The following WDR72 variants were observed in gnomAD, a reference collection of about 807,000 sequenced individuals.
WDR72 encodes WD repeat domain 72, also known as WD repeat-containing protein 72.
WDR72 carries 120 observed loss-of-function variants against 124.2 expected under a neutral mutation model. The observed-to-expected ratio is 0.97, with a 90% confidence interval of 0.83 to 1.12. The LOEUF is 1.12. Ranked by LOEUF, WDR72 falls within the 50% of genes most tolerant of loss-of-function variation. WDR72 has a pLI of 0.00. For missense variants in WDR72, 1,387 were observed against 1,278.8 expected, an observed-to-expected ratio of 1.08 and a Z score of -1.29; for synonymous variants, 452 against 441.7, an observed-to-expected ratio of 1.02 and a Z score of -0.29.
At chr15:53,653,577 C>T (rs3911727) in intron 14 of WDR72, among the ~76,000 whole-genome samples, 91 of 152,172 alleles carry the variant, frequency 6.0e-4, no homozygotes, top group African/African-American at 2.1e-3. Context: ...CTGTAGTTGA[C>T]GTTTTTCATC....
chr15:53,689,723 C>A (rs1043459695), intron 13 of WDR72, among the ~76,000 whole-genome samples: 1 of 151,718 alleles, frequency 6.6e-6, no homozygotes, highest in African/African-American at 2.4e-5. Context: ...TGGGTATATA[C>A]CCAAAGGACT....
At chr15:53,719,963 T>C (rs1373902845) in intron 3 of WDR72, among the ~76,000 whole-genome samples, 1 of 152,156 alleles carries the variant, frequency 6.6e-6, no homozygotes, top group African/African-American at 2.4e-5. Context: ...TGCCTTAAAA[T>C]TTTATTAACT....
At chr15:53,595,233 C>A (rs573620678) in intron 18 of WDR72, among the ~76,000 whole-genome samples, 1 of 152,060 alleles carries the variant, frequency 6.6e-6, no homozygotes, top group Admixed American at 6.5e-5. Context: ...GAGTTAATAC[C>A]ACACTTTAAT....
At chr15:53,648,314 G>A (rs1339455757) in intron 14 of WDR72, among the ~76,000 whole-genome samples, 7 of 152,138 alleles carry the variant, frequency 4.6e-5, no homozygotes, top group African/African-American at 1.4e-4. Context: ...AAGATAACAA[G>A]TATGTGTTAC....
rs976948492 is a variant in WDR72 at position 53,704,968 on chromosome 15, G to T, written c.1348+20C>A. ...GCTTTAGATAAATCAAATAAATAGG[G>T]TCAAATAAAATTCAAGGACCTTTTA... is the stretch of plus-strand genomic sequence containing the variant. On this transcript the variant is annotated intron_variant, in intron 11 of 19. Transcript: ENST00000360509. 1.2e-6 allele frequency: 2 copies of T among 1,612,876 alleles called. No homozygotes were observed. The highest frequency in any genetic ancestry group is 1.7e-6 in the Non-Finnish European group (2 of 1,179,854).
chr15:53,624,729 T>C (rs1671951054), intron 14 of WDR72, among the ~76,000 whole-genome samples: 1 of 152,242 alleles, frequency 6.6e-6, no homozygotes, highest in South Asian at 2.1e-4. Flanking sequence ...AGAATATAAG[T>C]ATAAATTGTT....
At chr15:53,641,089 T>C (rs1322382607) in intron 14 of WDR72, among the ~76,000 whole-genome samples, 1 of 152,080 alleles carries the variant, frequency 6.6e-6, no homozygotes. Flanking sequence ...CCTTTAGTAA[T>C]TTATCCCTCT....
At chr15:53,629,957 T>C (rs1305913067) in intron 14 of WDR72, among the ~76,000 whole-genome samples, 1 of 152,196 alleles carries the variant, frequency 6.6e-6, no homozygotes, top group Non-Finnish European at 1.5e-5. Context: ...TTGGGAAATT[T>C]ACAAATATGT....
At chr15:53,538,807 G>T (rs1247531008) in intron 18 of WDR72, among the ~76,000 whole-genome samples, 1 of 152,058 alleles carries the variant, frequency 6.6e-6, no homozygotes, top group African/African-American at 2.4e-5. Flanking sequence ...TCACTGCATG[G>T]TTCTGATCCT....
chr15:53,528,258 A>G (rs897492789), intron 18 of WDR72, among the ~76,000 whole-genome samples: 7 of 152,114 alleles, frequency 4.6e-5, no homozygotes, highest in African/African-American at 7.2e-5. Context: ...AAGAGTATCT[A>G]TTCAGATAAT....
At chr15:53,700,764 G>A (rs1443095104) in intron 12 of WDR72, among the ~76,000 whole-genome samples, 1 of 151,684 alleles carries the variant, frequency 6.6e-6, no homozygotes, top group African/African-American at 2.4e-5. Context: ...TCCAGAAATC[G>A]TAAGGAAAAA....
At position 53,705,937 on chromosome 15, in the gene WDR72, A is replaced by C. The variant is rs544186352; in HGVS notation, c.1092T>G (p.Gly364=). ...AGGAAACTGACTTACCTCTAGGAGA[A>C]CCATCAAACTTGGATACAGGAACAT... The part of the protein sequence containing the change: ...IPDVPVSKFD[G]SPREIPVTAT... Residue 364 remains glycine (G), a synonymous_variant, in exon 10 of 20, where the codon GGT becomes GGG. Transcript: ENST00000360509. 3 of 1,614,120 alleles carry C rather than the reference A, an allele frequency of 1.9e-6. No homozygotes were observed. In the South Asian group the frequency reaches 3.3e-5, roughly 18 times the overall value.
At chr15:53,623,164 A>T (rs2014070206) in intron 14 of WDR72, among the ~76,000 whole-genome samples, 1 of 151,998 alleles carries the variant, frequency 6.6e-6, no homozygotes, top group Non-Finnish European at 1.5e-5. Context: ...TTTTAGATTC[A>T]GGGGCTACAT....
chr15:53,583,947 A>G (rs2012065909), intron 18 of WDR72, among the ~76,000 whole-genome samples: 1 of 147,378 alleles, frequency 6.8e-6, no homozygotes, highest in African/African-American at 2.4e-5. Context: ...TCTATTGATT[A>G]AATCAAATTT....
At chr15:53,659,816 T>G (rs1050515938) in intron 14 of WDR72, among the ~76,000 whole-genome samples, 1 of 152,154 alleles carries the variant, frequency 6.6e-6, no homozygotes, top group Non-Finnish European at 1.5e-5. Context: ...CTTGCATCAC[T>G]TTATGTGTTC....
chr15:53,596,955 G>A (rs1392547001), intron 18 of WDR72, 124 bp downstream of exon 18: 1 of 923,830 alleles, frequency 1.1e-6, no homozygotes, highest in East Asian at 2.4e-5. Flanking sequence ...GGAGACTAGT[G>A]AATGTCTATC....
chr15:53,750,750 C>G (rs180849350), intron 1 of WDR72, among the ~76,000 whole-genome samples: 1 of 152,138 alleles, frequency 6.6e-6, no homozygotes, highest in East Asian at 1.9e-4. Flanking sequence ...TTCCAACCCT[C>G]ATAGATGACT....
chr15:53,709,547 G>C (rs1055105067), intron 9 of WDR72, among the ~76,000 whole-genome samples: 1 of 152,134 alleles, frequency 6.6e-6, no homozygotes, highest in Admixed American at 6.5e-5. Flanking sequence ...GGCTTTCAGG[G>C]CAAACTGTGC....
At chr15:53,635,309 A>G (rs1225922141) in intron 14 of WDR72, among the ~76,000 whole-genome samples, 1 of 152,216 alleles carries the variant, frequency 6.6e-6, no homozygotes, top group African/African-American at 2.4e-5. Context: ...TTTTGCCTAT[A>G]TGACTATTGT....
Sources: gnomAD v4.1 joint callset for allele counts (sites outside exome capture counted in the v4.1 genomes callset) on GRCh38, gnomAD v4.1.1 for gene constraint, MANE v1.5 for transcripts, NCBI Gene and HGNC (gene_info 2026-07-23, HGNC 2026-07-21) for gene names.